The following TBC1D10B variants were observed in gnomAD, a reference collection of about 807,000 sequenced individuals.
TBC1D10B encodes TBC1 domain family member 10B.
A neutral mutation model predicts 78.4 loss-of-function variants in TBC1D10B; 25 were observed. The ratio of observed to expected loss-of-function variants is 0.32; its 90% CI spans 0.23 to 0.45. TBC1D10B has a LOEUF of 0.45. Among genes scored for constraint, TBC1D10B ranks in the 20% least tolerant of loss-of-function variants. The probability of loss-of-function intolerance (pLI) is 1.00; values close to 1 mark genes in which losing one functional copy is unlikely to be tolerated. For synonymous variants in TBC1D10B, 517 were observed against 478.0 expected, an observed-to-expected ratio of 1.08 and a Z score of -1.06; for missense variants, 996 against 1,104.8, an observed-to-expected ratio of 0.90 and a Z score of 1.40.
chr16:30,359,055 G>A, intron 7 of TBC1D10B, 117 bp downstream of exon 7: 2 of 1,365,524 alleles, frequency 1.5e-6, no homozygotes, highest in Non-Finnish European at 2.0e-6. Context: ...GCTGCTTATG[G>A]TGAAACCTCC....
Position 30,358,126 on chromosome 16 carries a change from GCTTCTGCCGCTC to G in TBC1D10B, c.2233_2244del (p.Glu745_Lys748del), listed in dbSNP as rs1462581490. 4 of 1,551,628 alleles carry G rather than the reference GCTTCTGCCGCTC, an allele frequency of 2.6e-6. No individual in the cohort carries two copies. Among genetic ancestry groups the G allele is most frequent in the Non-Finnish European group, 3.5e-6 (4 of 1,146,786 alleles). ...TCCTGCTTCTCTCGCTCTTTCTCCT[GCTTCTGCCGCTC>G]CTTCTCCCGCTCCTTCTCCTGTTTC... On this transcript the variant is annotated inframe_deletion, in exon 9 of 9. Transcript: ENST00000409939.
Position 30,369,729 on chromosome 16 carries a change from G to T in TBC1D10B, c.455C>A (p.Thr152Asn). The T allele has an allele frequency of 1.4e-6, 2 of 1,470,944 alleles. No individual in the cohort carries two copies. The highest frequency in any genetic ancestry group is 2.5e-5 in the East Asian group (1 of 40,098). 91.1% of individuals were successfully genotyped at this position (1,470,944 alleles called of 1,614,324 possible). ...PAPGPGTPTG[T>N]PTRTPSRTAP... ...CGTTCTGGAAGGGGTCCTGGTAGGG[G>T]TCCCGGTGGGGGTCCCTGGTCCTGG... The change falls in exon 1 of 9, where the codon ACC (threonine) becomes AAC (asparagine). Residue 152 changes from threonine to asparagine, a missense_variant. By Grantham distance (65) the Thr-to-Asn change is moderately conservative (BLOSUM62 0). Coordinates refer to ENST00000409939, the MANE Select transcript of TBC1D10B (RefSeq NM_015527.4). The surrounding 1 kb of genome is among the most constrained non-coding windows in gnomAD (Gnocchi z 4.3).
chr16:30,368,517 G>T (rs894882093), intron 1 of TBC1D10B, among the ~76,000 whole-genome samples: 2 of 152,170 alleles, frequency 1.3e-5, no homozygotes, highest in African/African-American at 4.8e-5. Flanking sequence ...GCAGGATCCA[G>T]AGAGGGGGAA....
Position 30,357,809 on chromosome 16 carries a change from G to T in TBC1D10B, c.*135C>A. 8.2e-7 allele frequency: 1 copy of T among 1,225,442 alleles called. No homozygotes were observed. Among genetic ancestry groups the T allele is most frequent in the Non-Finnish European group, 1.1e-6 (1 of 905,718 alleles). The allele number at this position is 1,225,442 out of a possible 1,614,324, so 75.9% of individuals were successfully genotyped here. A position where few individuals can be genotyped will look rare whatever the true frequency, so the allele number is the denominator to read the frequency against. ...GCCCGTGTAGGGATCAGCAGCTGGC[G>T]AGGAGATGGGGAACCAAGCCACTTT... On this transcript the variant is annotated 3_prime_UTR_variant, in exon 9 of 9. Coordinates refer to ENST00000409939, the MANE Select transcript of TBC1D10B (RefSeq NM_015527.4).
At chr16:30,366,771 G>C (rs914397669) in intron 1 of TBC1D10B, 3 of 152,178 alleles carry the variant, frequency 2.0e-5, no homozygotes, top group Non-Finnish European at 4.4e-5. Flanking sequence ...GAGGTGAGTA[G>C]AACGGAAGAA....
At position 30,359,583 on chromosome 16, in the gene TBC1D10B, C is replaced by T. The variant is rs750484344; in HGVS notation, c.1407G>A (p.Val469=). ...CTGGGAGGTACTTGTCGCAGATCTG[C>T]ACCAGGCACCAAAAGGCTTGCTGAG... ...MPAEQAFWCL[V]QICDKYLPGY... The change falls in exon 6 of 9, where the codon GTG becomes GTA. Residue 469 remains valine, a synonymous_variant. Transcript: ENST00000409939. 1.9e-6 allele frequency: 3 copies of T among 1,562,634 alleles called. No homozygotes were observed. The highest frequency in any genetic ancestry group is 2.6e-6 in the Non-Finnish European group (3 of 1,153,560).
Position 30,369,793 on chromosome 16 carries a change from C to T in TBC1D10B, c.391G>A (p.Asp131Asn). Residue 131 changes from aspartate to asparagine, a missense_variant, in exon 1 of 9, where the codon GAC (aspartate) becomes AAC (asparagine). Around this residue, in one of 5 missense-constraint regions of TBC1D10B, gnomAD observed 448 missense variants for 442.1 expected, o/e 1.01. Coordinates refer to ENST00000409939, the MANE Select transcript of TBC1D10B (RefSeq NM_015527.4). This position sits in a 1 kb window ranked among gnomAD's most constrained non-coding sequence, Gnocchi z 4.3. The part of the protein sequence containing the change: ...ETSRALAAGA[D>N]SPKTEEARPS... ...CGAGCCTCCTCTGTCTTCGGCGAGT[C>T]TGCCCCTGCGGCCAGAGCCCTCGAT... 2 of 1,432,688 alleles carry T rather than the reference C, an allele frequency of 1.4e-6. No individual in the cohort carries two copies. Among genetic ancestry groups the T allele is most frequent in the Non-Finnish European group, 1.8e-6 (2 of 1,091,436 alleles). The allele number at this position is 1,432,688 out of a possible 1,614,324, so 88.7% of individuals were successfully genotyped here.
chr16:30,358,955 T>G, intron 7 of TBC1D10B, 138 bp from the exon 8 acceptor site: 1 of 1,268,240 alleles, frequency 7.9e-7, no homozygotes, highest in Non-Finnish European at 1.1e-6. Context: ...TGAAAGTACA[T>G]GAGCTGCTAT....
In TBC1D10B at chr16:30,365,318, G is replaced by C. The variant is rs868679346; in HGVS notation, c.1057-106C>G. On this transcript the variant is annotated intron_variant, in intron 2 of 8. Coordinates refer to ENST00000409939, the MANE Select transcript of TBC1D10B (RefSeq NM_015527.4). The surrounding 1 kb of genome is among the most constrained non-coding windows in gnomAD (Gnocchi z 5.0). ...TGGATACTCCTCCGACATCCCATAG[G>C]CTTGATTCCACTGGACCTGGCCTGG... The C allele has an allele frequency of 8.0e-7, 1 of 1,247,560 alleles. No individual in the cohort carries two copies. The allele number at this position is 1,247,560 out of a possible 1,614,324, so 77.3% of individuals were successfully genotyped here. A position where few individuals can be genotyped will look rare whatever the true frequency, so the allele number is the denominator to read the frequency against.
At chr16:30,362,501 T>C (rs1358881010) in intron 4 of TBC1D10B, among the ~76,000 whole-genome samples, 14 of 151,540 alleles carry the variant, frequency 9.2e-5, no homozygotes, top group African/African-American at 3.1e-4. Flanking sequence ...CATCTTCCCA[T>C]TCTCAAACTA....
intron 4 of TBC1D10B, among the ~76,000 whole-genome samples, 196 bp downstream of exon 4, chr16:30,364,702 CCA>C (rs1365081558): frequency 6.6e-6 from 1 of 152,156 alleles, no homozygotes; most frequent in Admixed American, 6.6e-5. Flanking sequence ...TGACGTGCCC[CCA>C]CACACAACCT....
In TBC1D10B at chr16:30,358,024, G is replaced by T. The variant is rs1277558423; in HGVS notation, c.2347C>A (p.Arg783=). The T allele has an allele frequency of 6.4e-7, 1 of 1,551,834 alleles. No homozygotes were observed. The highest frequency in any genetic ancestry group is 1.2e-5 in the South Asian group (1 of 84,068). The stretch of plus-strand genomic sequence containing the variant: ...GGGCCTGGGGGCCCATCTGCCTTTC[G>T]ACGCAGCGAAAGCTTCCGGCCTTGA... The part of the protein sequence containing the change: ...KAQGRKLSLR[R]KADGPPGPHD... Residue 783 remains arginine (R), a synonymous_variant, in exon 9 of 9, where the codon CGA becomes AGA. Transcript: ENST00000409939.
Position 30,358,371 on chromosome 16 carries a change from C to T in TBC1D10B, c.2000G>A (p.Ser667Asn), listed in dbSNP as rs912994277. The T allele has an allele frequency of 1.9e-6, 3 of 1,561,744 alleles. No individual in the cohort carries two copies. The highest frequency in any genetic ancestry group is 4.8e-5 in the East Asian group (2 of 41,676). The change falls in exon 9 of 9, where the codon AGC (serine) becomes AAC (asparagine). Residue 667 changes from serine to asparagine, a missense_variant. Ser to Asn is a conservative substitution (Grantham distance 46). Around this residue, in one of 5 missense-constraint regions of TBC1D10B, gnomAD observed 285 missense variants for 252.5 expected, o/e 1.13. Coordinates refer to ENST00000409939, the MANE Select transcript of TBC1D10B (RefSeq NM_015527.4). ...CCCTCCAGCTGCCCGGGAGCCTCGG[C>T]TCTTGAGGCCAGGGAGGCTGAGGAG... is the stretch of plus-strand genomic sequence containing the variant. ...SSLLSLPGLK[S>N]RGSRAAGGAP...
chr16:30,369,387 G>C lies in TBC1D10B; in HGVS notation c.797C>G (p.Thr266Arg). The change falls in exon 1 of 9, where the codon ACG (threonine) becomes AGG (arginine). Residue 266 changes from threonine (T) to arginine (R), a missense_variant. Physicochemically the swap from Thr to Arg is moderately conservative, Grantham distance 71. This residue lies in a region of TBC1D10B where 448 missense variants were observed against 442.1 expected (regional missense o/e 1.01). Coordinates refer to ENST00000409939, the MANE Select transcript of TBC1D10B (RefSeq NM_015527.4). This position sits in a 1 kb window ranked among gnomAD's most constrained non-coding sequence, Gnocchi z 4.3. ...GCTCACGGAGTCCAAGTAACTCAGC[G>C]TGTCCGGGGCCTGCCCTCGAGGCCC... ...ISGPRGQAPD[T>R]LSYLDSVSLM... 1.3e-6 allele frequency: 2 copies of C among 1,590,484 alleles called. No homozygotes were observed. The highest frequency in any genetic ancestry group is 1.7e-6 in the Non-Finnish European group (2 of 1,168,606).
chr16:30,369,759 G>A lies in TBC1D10B; in HGVS notation c.425C>T (p.Pro142Leu). The A allele has an allele frequency of 2.1e-6, 3 of 1,453,016 alleles. No homozygotes were observed. The highest frequency in any genetic ancestry group is 2.7e-6 in the Non-Finnish European group (3 of 1,100,182). The allele number at this position is 1,453,016 out of a possible 1,614,324, so 90.0% of individuals were successfully genotyped here. The change falls in exon 1 of 9, where the codon CCC (proline) becomes CTC (leucine). Residue 142 changes from proline to leucine, a missense_variant. By Grantham distance (98) the Pro-to-Leu change is moderately conservative. Around this residue, in one of 5 missense-constraint regions of TBC1D10B, gnomAD observed 448 missense variants for 442.1 expected, o/e 1.01. Coordinates refer to ENST00000409939, the MANE Select transcript of TBC1D10B (RefSeq NM_015527.4). The surrounding 1 kb of genome is among the most constrained non-coding windows in gnomAD (Gnocchi z 4.3). ...SPKTEEARPSPAPGPGTPTGT... is the reference protein window; with the variant it reads ...SPKTEEARPSLAPGPGTPTGT... ...GGTGGGGGTCCCTGGTCCTGGGGCG[G>A]GTGAGGGTCGAGCCTCCTCTGTCTT...
At chr16:30,364,071 C>G (rs1328121107) in intron 4 of TBC1D10B, among the ~76,000 whole-genome samples, 1 of 150,368 alleles carries the variant, frequency 6.7e-6, no homozygotes, top group African/African-American at 2.5e-5. Flanking sequence ...GAGCCAAGAT[C>G]GTGCCACTGT....
chr16:30,369,627 C>T lies in TBC1D10B; in HGVS notation c.557G>A (p.Arg186Gln), dbSNP rs2049668426. The change falls in exon 1 of 9, where the codon CGG becomes CAG. Residue 186 changes from arginine (R) to glutamine (Q), a missense_variant. Arg to Gln is a conservative substitution (Grantham distance 43). Coordinates refer to ENST00000409939, the MANE Select transcript of TBC1D10B (RefSeq NM_015527.4). This position sits in a 1 kb window ranked among gnomAD's most constrained non-coding sequence, Gnocchi z 4.3. ...GTTVASGVTA[R>Q]SASGQVTGGH... ...ACCTGTCACTTGTCCTGATGCACTC[C>T]GTGCAGTCACTCCTGAGGCCACTGT... 3 of 1,528,634 alleles carry T rather than the reference C, an allele frequency of 2.0e-6. No homozygotes were observed. The highest frequency in any genetic ancestry group is 2.6e-6 in the Non-Finnish European group (3 of 1,135,344). The allele number at this position is 1,528,634 out of a possible 1,614,324, so 94.7% of individuals were successfully genotyped here. A position where few individuals can be genotyped will look rare whatever the true frequency, so the allele number is the denominator to read the frequency against.
Position 30,365,311 on chromosome 16 carries a change from C to T in TBC1D10B, c.1057-99G>A. The T allele has an allele frequency of 7.9e-7, 1 of 1,268,846 alleles. No homozygotes were observed. Among genetic ancestry groups the T allele is most frequent in the African/African-American group, 1.5e-5 (1 of 67,682 alleles). 78.6% of individuals were successfully genotyped at this position (1,268,846 alleles called of 1,614,324 possible). On this transcript the variant is annotated intron_variant, in intron 2 of 8. Transcript: ENST00000409939. This position sits in a 1 kb window ranked among gnomAD's most constrained non-coding sequence, Gnocchi z 5.0. ...AACTCCCTGGATACTCCTCCGACAT[C>T]CCATAGGCTTGATTCCACTGGACCT...
intron 1 of TBC1D10B, chr16:30,367,280 A>G (rs938292985): frequency 1.3e-5 from 2 of 152,098 alleles, no homozygotes; most frequent in Non-Finnish European, 2.9e-5. Context: ...GAGAAACTGC[A>G]TATAAACATC....
Sources: allele counts gnomAD v4.1 joint callset (sites outside exome capture counted in the v4.1 genomes callset), GRCh38; gene constraint gnomAD v4.1.1; regional missense constraint gnomAD v4.1.1; non-coding constraint Gnocchi (gnomAD v3.1); transcripts MANE v1.5; gene names NCBI Gene and HGNC (gene_info 2026-07-23, HGNC 2026-07-21).